TTLL5: variants seen among roughly 807,000 people sequenced by gnomAD.
TTLL5 encodes the protein tubulin tyrosine ligase like 5, also known as tubulin polyglutamylase TTLL5.
TTLL5 carries 132 observed loss-of-function variants against 168.4 expected under a neutral mutation model. That is an observed-to-expected ratio of 0.78 (90% CI 0.68 to 0.91). The LOEUF (loss-of-function observed/expected upper bound fraction) is 0.91. Ranked by LOEUF, TTLL5 falls within the 40% of genes least tolerant of loss-of-function variation. The pLI is 0.00. For synonymous variants in TTLL5, 546 were observed against 558.6 expected (o/e 0.98, Z 0.32); for missense variants, 1,545 against 1,581.5 (o/e 0.98, Z 0.39).
intron 22 of TTLL5, 41 bp downstream of exon 22, chr14:75,775,671 A>G (rs760813368): frequency 1.9e-6 from 3 of 1,609,744 alleles, no homozygotes; most frequent in South Asian, 2.2e-5. Context: ...GGATTGCCAT[A>G]CACTGTCAGA....
chr14:75,770,092 C>T (rs573648148), intron 20 of TTLL5, among the ~76,000 whole-genome samples: 1 of 145,766 alleles, frequency 6.9e-6, no homozygotes, highest in Non-Finnish European at 1.5e-5. Flanking sequence ...GCAGGAGAAT[C>T]GCTTGAACCT....
intron 30 of TTLL5, chr14:75,887,018 T>A: frequency 7.5e-7 from 1 of 1,336,076 alleles, no homozygotes; most frequent in Non-Finnish European, 9.6e-7. Flanking sequence ...TACTTTTCCT[T>A]AAATAGCTGA....
intron 21 of TTLL5, 110 bp downstream of exon 21, chr14:75,771,964 GATT>G (rs1891356162): frequency 8.0e-7 from 1 of 1,250,036 alleles, no homozygotes; most frequent in Non-Finnish European, 1.1e-6. Context: ...CTGGTGAAAG[GATT>G]ATTATGTAAG....
At chr14:75,928,266 C>T (rs2034142600) in intron 31 of TTLL5, among the ~76,000 whole-genome samples, 1 of 148,674 alleles carries the variant, frequency 6.7e-6, no homozygotes, top group Non-Finnish European at 1.5e-5. Context: ...TTGGCTCAAA[C>T]AGAAGAGTTT....
At chr14:75,909,728 G>A (rs1478804783) in intron 31 of TTLL5, among the ~76,000 whole-genome samples, 1 of 152,166 alleles carries the variant, frequency 6.6e-6, no homozygotes, top group Non-Finnish European at 1.5e-5. Flanking sequence ...CTAAGCAACT[G>A]GGCATAGCAC....
At chr14:75,870,134 A>T (rs1291960404) in intron 29 of TTLL5, among the ~76,000 whole-genome samples, 2 of 151,652 alleles carry the variant, frequency 1.3e-5, no homozygotes, top group African/African-American at 2.4e-5. Flanking sequence ...GTACTTACTG[A>T]CTCCGATGAA....
At chr14:75,878,093 C>T (rs2140008603) in intron 29 of TTLL5, among the ~76,000 whole-genome samples, 1 of 152,284 alleles carries the variant, frequency 6.6e-6, no homozygotes, top group South Asian at 2.1e-4. Flanking sequence ...AACCACAAGT[C>T]GCAACCTAGA....
chr14:75,866,974 A>G lies in TTLL5; in HGVS notation c.3522+3112A>G, dbSNP rs111749845. ...AGAGCATAATAAACAAAATAAGACA[A>G]AATTGAAACAATGAGCTTTTACACA... On this transcript the variant is annotated intron_variant, in intron 29 of 31. Transcript: ENST00000298832. 9.4e-3 allele frequency among the ~76,000 whole-genome samples: 1,434 copies of G among 152,342 alleles called. 31 individuals are homozygous for G. The highest frequency in any genetic ancestry group is 0.033 in the African/African-American group (1,375 of 41,572).
At chr14:75,703,183 TGTGA>T (rs1206446943) in intron 7 of TTLL5, among the ~76,000 whole-genome samples, 1 of 152,124 alleles carries the variant, frequency 6.6e-6, no homozygotes, top group East Asian at 1.9e-4. Flanking sequence ...GCAGAACTAA[TGTGA>T]GTGAGTGAGG....
At chr14:75,722,433 A>G (rs1215027922) in intron 12 of TTLL5, among the ~76,000 whole-genome samples, 1 of 152,104 alleles carries the variant, frequency 6.6e-6, no homozygotes, top group Non-Finnish European at 1.5e-5. Context: ...AACTTTTTGT[A>G]GAAATGTGAC....
At chr14:75,668,900 T>G (rs1425361407) in intron 2 of TTLL5, among the ~76,000 whole-genome samples, 1 of 152,218 alleles carries the variant, frequency 6.6e-6, no homozygotes, top group East Asian at 1.9e-4. Flanking sequence ...TTCAGGCATA[T>G]CTTGATTCTG....
intron 31 of TTLL5, among the ~76,000 whole-genome samples, chr14:75,911,016 G>T (rs2140111107): frequency 6.6e-6 from 1 of 152,030 alleles, no homozygotes; most frequent in African/African-American, 2.4e-5. Flanking sequence ...GTGGTTGGTT[G>T]CTTTTGTTTT....
At chr14:75,737,462 T>C in intron 15 of TTLL5, 1 of 1,211,122 alleles carries the variant, frequency 8.3e-7, no homozygotes, top group Non-Finnish European at 1.1e-6. Flanking sequence ...TGGTTTCTGC[T>C]TGGAGATTAT....
intron 10 of TTLL5, 90 bp from the exon 11 acceptor site, chr14:75,719,645 T>A (rs984049473): frequency 1.1e-4 from 138 of 1,218,390 alleles, no homozygotes; most frequent in Non-Finnish European, 1.4e-4. Context: ...AAAAACTTTT[T>A]AAAAAGACAA....
At chr14:75,819,870 G>T in intron 27 of TTLL5, 137 bp from the exon 28 acceptor site, 3 of 848,456 alleles carry the variant, frequency 3.5e-6, no homozygotes, top group Non-Finnish European at 3.5e-6. Context: ...TCCTTCCTGA[G>T]TGCCTTTGTC....
At chr14:75,732,513 CTG>C (rs1888609647) in intron 13 of TTLL5, 94 bp downstream of exon 13, 22 of 1,083,128 alleles carry the variant, frequency 2.0e-5, no homozygotes, top group Non-Finnish European at 2.8e-5. Context: ...CACTAGAAGA[CTG>C]TTTTTTTCCT....
intron 26 of TTLL5, among the ~76,000 whole-genome samples, chr14:75,786,099 A>G (rs536322682): frequency 5.3e-5 from 8 of 152,324 alleles, no homozygotes; most frequent in African/African-American, 1.9e-4. Flanking sequence ...ATGCAGCTTG[A>G]GTCAGAGATA....
chr14:75,733,519 G>C (rs1432962497), intron 13 of TTLL5, among the ~76,000 whole-genome samples: 1 of 151,920 alleles, frequency 6.6e-6, no homozygotes, highest in Non-Finnish European at 1.5e-5. Flanking sequence ...TTTTAGAGCA[G>C]ACAATAAAGA....
chr14:75,796,803 G>C (rs1893018866), intron 27 of TTLL5, among the ~76,000 whole-genome samples: 1 of 152,060 alleles, frequency 6.6e-6, no homozygotes, highest in African/African-American at 2.4e-5. Context: ...TTTTATACCA[G>C]TACCATGCTG....
Sources: gnomAD v4.1 joint callset for allele counts (sites outside exome capture counted in the v4.1 genomes callset) on GRCh38, gnomAD v4.1.1 for gene constraint, MANE v1.5 for transcripts, NCBI Gene and HGNC (gene_info 2026-07-23, HGNC 2026-07-21) for gene names.